NAT10: variants seen among roughly 807,000 people sequenced by gnomAD.
NAT10 encodes RNA cytidine acetyltransferase.
Under a neutral mutation model 132.2 loss-of-function variants are expected in NAT10, and 109 were observed. The ratio of observed to expected loss-of-function variants is 0.82; its 90% CI spans 0.71 to 0.97. The LOEUF (loss-of-function observed/expected upper bound fraction) is 0.97, where lower values mean the gene tolerates loss of function less well. Ranked by LOEUF, NAT10 falls within the 50% of genes least tolerant of loss-of-function variation. NAT10 has a pLI of 0.00. For synonymous variants in NAT10, 479 were observed against 478.0 expected, an observed-to-expected ratio of 1.00 and a Z score of -0.03; for missense variants, 1,184 against 1,263.4, an observed-to-expected ratio of 0.94 and a Z score of 0.95.
At position 34,140,385 on chromosome 11, in the gene NAT10, C is replaced by T. The variant is rs765485932; in HGVS notation, c.2420-15C>T. 10 of 1,608,958 alleles carry T rather than the reference C, an allele frequency of 6.2e-6. No individual in the cohort carries two copies. The highest frequency in any genetic ancestry group is 6.8e-6 in the Non-Finnish European group (8 of 1,175,776). The stretch of plus-strand genomic sequence containing the variant: ...CGGGTGACCTAACCTGTCTAGCTCT[C>T]TATCCCATGGACAGCCCTGAGCCGG... On this transcript the variant is annotated splice_polypyrimidine_tract_variant and intron_variant, in intron 23 of 28. Coordinates refer to ENST00000257829, the MANE Select transcript of NAT10 (RefSeq NM_024662.3).
At chr11:34,134,295 T>C (rs2132969779) in intron 16 of NAT10, 24 bp from the exon 17 acceptor site, 1 of 1,604,430 alleles carries the variant, frequency 6.2e-7, no homozygotes, top group South Asian at 1.1e-5. Context: ...CCTTTCTGCC[T>C]GCACTGTCCT....
chr11:34,118,683 C>G (rs971795743), intron 8 of NAT10, among the ~76,000 whole-genome samples, 180 bp downstream of exon 8: 6 of 152,196 alleles, frequency 3.9e-5, no homozygotes, highest in Admixed American at 1.3e-4. Flanking sequence ...GTGTGGGTTC[C>G]CAAAAGAAGT....
chr11:34,140,580 A>T lies in NAT10; in HGVS notation c.2592+8A>T. 1 of 1,611,102 alleles carries T rather than the reference A, an allele frequency of 6.2e-7. No individual in the cohort carries two copies. Among genetic ancestry groups the T allele is most frequent in the South Asian group, 1.1e-5 (1 of 91,004 alleles). ...CTGTCTGCGGCTCAGTCGGTATGCT[A>T]TCTGTTGCTTGCGTGGAGGAGAAGC... On this transcript the variant is annotated splice_region_variant and intron_variant, in intron 24 of 28. Transcript: ENST00000257829.
At chr11:34,109,285 C>T (rs1355632111) in intron 3 of NAT10, among the ~76,000 whole-genome samples, 1 of 152,130 alleles carries the variant, frequency 6.6e-6, no homozygotes, top group East Asian at 1.9e-4. Flanking sequence ...GCTGGCCACC[C>T]AATACCCTTT....
chr11:34,118,409 G>C lies in NAT10; in HGVS notation c.686G>C (p.Gly229Ala). The change falls in exon 8 of 29, where the codon GGT becomes GCT. Residue 229 changes from glycine to alanine, a missense_variant. Transcript: ENST00000257829. ...LPPQTPDESL[G>A]PSDLELRELK... ...TCTCTCTGGTAGGATGAGAGTCTTGGTCCTTCTGATCTGGAGCTGAGGGAG... is the reference window on the plus strand; with the variant it reads ...TCTCTCTGGTAGGATGAGAGTCTTGCTCCTTCTGATCTGGAGCTGAGGGAG... 1 of 1,614,158 alleles carries C rather than the reference G, an allele frequency of 6.2e-7. No homozygotes were observed.
In NAT10 at chr11:34,118,302, T is replaced by C; in HGVS notation, c.672+8T>C. Reference sequence around the variant, plus strand: ...CTGCCTCCCCAGACTCCGGTGAGTCTGTGCTGGGGTCCAGGAATCTGGGGG... The same window carrying C: ...CTGCCTCCCCAGACTCCGGTGAGTCCGTGCTGGGGTCCAGGAATCTGGGGG... On this transcript the variant is annotated splice_region_variant and intron_variant, in intron 7 of 28. Coordinates refer to ENST00000257829, the MANE Select transcript of NAT10 (RefSeq NM_024662.3). 1 of 1,613,316 alleles carries C rather than the reference T, an allele frequency of 6.2e-7. No homozygotes were observed. Among genetic ancestry groups the C allele is most frequent in the Non-Finnish European group, 8.5e-7 (1 of 1,179,222 alleles).
chr11:34,121,696 C>G (rs901557603), intron 8 of NAT10, among the ~76,000 whole-genome samples: 2 of 151,530 alleles, frequency 1.3e-5, no homozygotes, highest in Admixed American at 1.3e-4. Context: ...CCCGTCTCTA[C>G]TAAAAATACA....
intron 11 of NAT10, among the ~76,000 whole-genome samples, chr11:34,126,340 G>A (rs902443546): frequency 3.3e-5 from 5 of 152,198 alleles, no homozygotes; most frequent in African/African-American, 4.8e-5. Flanking sequence ...TGTTTACTAC[G>A]TAATTATCTG....
intron 9 of NAT10, among the ~76,000 whole-genome samples, chr11:34,123,495 C>G (rs1851931969): frequency 6.6e-6 from 1 of 152,220 alleles, no homozygotes; most frequent in Non-Finnish European, 1.5e-5. Flanking sequence ...TAGCAGTGCA[C>G]TGGATTGGGA....
At chr11:34,115,505 T>C (rs1245447543) in intron 5 of NAT10, among the ~76,000 whole-genome samples, 2 of 152,354 alleles carry the variant, frequency 1.3e-5, no homozygotes. Flanking sequence ...CCAAGTGCCA[T>C]GAGAACAGAG....
At chr11:34,144,247 C>T (rs1414851844) in intron 28 of NAT10, among the ~76,000 whole-genome samples, 2 of 152,022 alleles carry the variant, frequency 1.3e-5, no homozygotes, top group African/African-American at 4.8e-5. Flanking sequence ...CCAACCTGCG[C>T]AACATAGCAG....
At chr11:34,144,302 A>G (rs977278431) in intron 28 of NAT10, among the ~76,000 whole-genome samples, 2 of 152,104 alleles carry the variant, frequency 1.3e-5, no homozygotes, top group African/African-American at 4.8e-5. Context: ...TAAATGAAAA[A>G]CTGAGAAATT....
Position 34,112,388 on chromosome 11 carries a change from C to T in NAT10, c.372+165C>T, listed in dbSNP as rs1012067128. 3.3e-5 allele frequency among the ~76,000 whole-genome samples: 5 copies of T among 152,202 alleles called. 1 individual carries two copies. In the South Asian group the frequency reaches 8.3e-4, roughly 25 times the overall value. ...TCCTGGCCACTTTCCAAAGTACACT[C>T]GGTCACCTACCCCATATAAAAAGAG... On this transcript the variant is annotated intron_variant, in intron 4 of 28. Coordinates refer to ENST00000257829, the MANE Select transcript of NAT10 (RefSeq NM_024662.3).
At chr11:34,126,889 T>C (rs1464036959) in intron 11 of NAT10, among the ~76,000 whole-genome samples, 1 of 152,152 alleles carries the variant, frequency 6.6e-6, no homozygotes, top group South Asian at 2.1e-4. Context: ...AAATAACAAG[T>C]TCTAGAAATG....
At chr11:34,121,921 A>C (rs967233559) in intron 8 of NAT10, among the ~76,000 whole-genome samples, 9 of 151,228 alleles carry the variant, frequency 6.0e-5, no homozygotes, top group Non-Finnish European at 1.2e-4. Context: ...CACCCCTGTA[A>C]TCCCAGCACT....
chr11:34,123,944 C>T (rs753238659), intron 10 of NAT10, 89 bp downstream of exon 10: 20 of 1,003,120 alleles, frequency 2.0e-5, no homozygotes, highest in Admixed American at 3.6e-5. Flanking sequence ...CCGACGCGGG[C>T]GGATCACCTG....
Position 34,108,222 on chromosome 11 carries a change from C to A in NAT10, c.-4C>A. 6.2e-7 allele frequency: 1 copy of A among 1,610,282 alleles called. No individual in the cohort carries two copies. The highest frequency in any genetic ancestry group is 8.5e-7 in the Non-Finnish European group (1 of 1,176,540). On this transcript the variant is annotated 5_prime_UTR_variant, in exon 2 of 29. Transcript: ENST00000257829. ...TCTTTCTCTTTTAGTAATAATTTTT[C>A]ACCATGCATCGGAAAAAGGTGGATA...
chr11:34,113,692 C>T (rs1312019298), intron 4 of NAT10, 24 bp from the exon 5 acceptor site: 1 of 1,600,960 alleles, frequency 6.2e-7, no homozygotes, highest in Non-Finnish European at 8.5e-7. Context: ...ATGACCAGCC[C>T]TTTCTAACGC....
intron 19 of NAT10, among the ~76,000 whole-genome samples, chr11:34,135,774 G>T (rs1852198507): frequency 6.6e-6 from 1 of 152,104 alleles, no homozygotes; most frequent in Non-Finnish European, 1.5e-5. Context: ...AGGCAGCTGG[G>T]CAACATGGCG....
Sources: gnomAD v4.1 joint callset for allele counts (sites outside exome capture counted in the v4.1 genomes callset) on GRCh38, gnomAD v4.1.1 for gene constraint, MANE v1.5 for transcripts, NCBI Gene and HGNC (gene_info 2026-07-23, HGNC 2026-07-21) for gene names.